ENTREP2: variants seen among roughly 807,000 people sequenced by gnomAD.
ENTREP2 encodes endosomal transmembrane epsin interactor 2, also known as protein ENTREP2.
chr15:29,148,629 T>G, the ENTREP2 span, among the ~76,000 whole-genome samples: 2 of 152,242 alleles, frequency 1.3e-5, no homozygotes, highest in African/African-American at 4.8e-5. Context: ...GTTTTTTCCT[T>G]GAATAGTGTC....
At chr15:29,445,968 C>A in the ENTREP2 span, among the ~76,000 whole-genome samples, 1 of 152,196 alleles carries the variant, frequency 6.6e-6, no homozygotes, top group African/African-American at 2.4e-5. Flanking sequence ...AAACATCCCA[C>A]ACACATCTGG....
the ENTREP2 span, among the ~76,000 whole-genome samples, chr15:29,364,288 C>A: frequency 6.6e-6 from 1 of 152,112 alleles, no homozygotes; most frequent in Non-Finnish European, 1.5e-5. Flanking sequence ...TGATTAAGAG[C>A]CAGTTGGCCT....
the ENTREP2 span, among the ~76,000 whole-genome samples, chr15:29,239,317 C>T: frequency 3.4e-4 from 51 of 152,226 alleles, no homozygotes; most frequent in East Asian, 6.6e-3. Flanking sequence ...AGGAAAAGGG[C>T]GACATTCTGG....
At chr15:29,492,986 A>G in the ENTREP2 span, among the ~76,000 whole-genome samples, 1 of 151,680 alleles carries the variant, frequency 6.6e-6, no homozygotes, top group Admixed American at 6.6e-5. Flanking sequence ...CTGGGGCGAC[A>G]GAGTGAGACT....
the ENTREP2 span, among the ~76,000 whole-genome samples, chr15:29,211,150 C>T: frequency 1.3e-5 from 2 of 152,272 alleles, no homozygotes; most frequent in African/African-American, 2.4e-5. Context: ...TCTTTTACTA[C>T]GAAGATTTCT....
chr15:29,429,472 C>T, the ENTREP2 span, among the ~76,000 whole-genome samples: 313 of 152,330 alleles, frequency 2.1e-3, 5 homozygotes, highest in Admixed American at 0.018. Context: ...CCTCCCACCT[C>T]GGCCTCCTAA....
chr15:29,615,989 A>T, the ENTREP2 span, among the ~76,000 whole-genome samples: 3 of 152,328 alleles, frequency 2.0e-5, no homozygotes, highest in African/African-American at 7.2e-5. Flanking sequence ...CTGGTGGGAC[A>T]GCAGCCCCCA....
chr15:29,385,964 G>A, the ENTREP2 span, among the ~76,000 whole-genome samples: 4 of 152,166 alleles, frequency 2.6e-5, no homozygotes, highest in Non-Finnish European at 5.9e-5. Context: ...ACGGCGGGAT[G>A]ACACAGAATT....
At chr15:29,653,460 C>T in the ENTREP2 span, among the ~76,000 whole-genome samples, 1 of 152,212 alleles carries the variant, frequency 6.6e-6, no homozygotes, top group East Asian at 1.9e-4. Context: ...ATAATCCCCA[C>T]ACATCAAGGG....
chr15:29,309,862 T>C, the ENTREP2 span, among the ~76,000 whole-genome samples: 1 of 151,606 alleles, frequency 6.6e-6, no homozygotes, highest in Non-Finnish European at 1.5e-5. Context: ...CAATAACATA[T>C]GTCATGCCTG....
chr15:29,513,582 C>T, the ENTREP2 span, among the ~76,000 whole-genome samples: 670 of 152,258 alleles, frequency 4.4e-3, 5 homozygotes, highest in African/African-American at 0.015. Flanking sequence ...TTTAAAAAGG[C>T]GTGGGGTGAA....
the ENTREP2 span, among the ~76,000 whole-genome samples, chr15:29,220,781 A>G: frequency 6.6e-6 from 1 of 152,072 alleles, no homozygotes; most frequent in Non-Finnish European, 1.5e-5. Context: ...AAATTATACA[A>G]TTAAGTCTTA....
the ENTREP2 span, among the ~76,000 whole-genome samples, chr15:29,662,007 T>C: frequency 6.6e-6 from 1 of 151,974 alleles, no homozygotes; most frequent in African/African-American, 2.4e-5. Flanking sequence ...GGCCAGGAGT[T>C]CGAGACTAGC....
At chr15:29,300,704 T>C in the ENTREP2 span, among the ~76,000 whole-genome samples, 1 of 152,144 alleles carries the variant, frequency 6.6e-6, no homozygotes, top group African/African-American at 2.4e-5. Flanking sequence ...GTTCACACCA[T>C]TCTCCTGCCT....
chr15:29,159,724 A>G, the ENTREP2 span, among the ~76,000 whole-genome samples: 6 of 152,164 alleles, frequency 3.9e-5, no homozygotes, highest in African/African-American at 1.4e-4. Context: ...GTGCATTCAC[A>G]AACCCTGAGT....
chr15:29,656,846 G>A, the ENTREP2 span, among the ~76,000 whole-genome samples: 1 of 152,136 alleles, frequency 6.6e-6, no homozygotes, highest in Non-Finnish European at 1.5e-5. Flanking sequence ...CTCACTGCTA[G>A]GTATTACCCA....
At chr15:29,421,002 G>C in the ENTREP2 span, among the ~76,000 whole-genome samples, 1 of 152,224 alleles carries the variant, frequency 6.6e-6, no homozygotes, top group East Asian at 1.9e-4. Flanking sequence ...CTGAGATGCA[G>C]AAAATGACCC....
chr15:29,150,559 A>G, the ENTREP2 span, among the ~76,000 whole-genome samples: 2 of 152,180 alleles, frequency 1.3e-5, no homozygotes, highest in Non-Finnish European at 2.9e-5. Context: ...TGCCAACATG[A>G]GGCCCCGATG....
chr15:29,120,539 T>C, the ENTREP2 span: 14 of 152,228 alleles, frequency 9.2e-5, no homozygotes, highest in African/African-American at 3.4e-4. Context: ...CCTTCTGCGA[T>C]CTTGCTTGCC....
Sources: allele counts gnomAD v4.1 joint callset (sites outside exome capture counted in the v4.1 genomes callset), GRCh38; gene constraint gnomAD v4.1.1; transcripts MANE v1.5; gene names NCBI Gene and HGNC (gene_info 2026-07-23, HGNC 2026-07-21).